Variants in WDFY1 observed in about 807,000 individuals in gnomAD.
WDFY1 encodes WD repeat and FYVE domain containing 1.
Under a neutral mutation model 56.4 loss-of-function variants are expected in WDFY1, and 32 were observed. The ratio of observed to expected loss-of-function variants is 0.57; its 90% CI spans 0.43 to 0.76. The LOEUF (loss-of-function observed/expected upper bound fraction) is 0.76, where lower values mean the gene tolerates loss of function less well. Ranked by LOEUF, WDFY1 falls within the 30% of genes least tolerant of loss-of-function variation. WDFY1 has a pLI of 0.00. For synonymous variants in WDFY1, 192 were observed against 197.3 expected (o/e 0.97, Z 0.23); for missense variants, 480 against 545.7 (o/e 0.88, Z 1.20).
intron 1 of WDFY1, among the ~76,000 whole-genome samples, chr2:223,944,913 C>T (rs986406063): frequency 2.6e-5 from 4 of 151,462 alleles, no homozygotes; most frequent in Admixed American, 2.0e-4. Flanking sequence ...ACAGGGGATC[C>T]GGGCTGGAGG....
At chr2:223,884,603 G>A in intron 9 of WDFY1, 45 bp downstream of exon 9, 1 of 1,579,338 alleles carries the variant, frequency 6.3e-7, no homozygotes, top group Non-Finnish European at 8.7e-7. Flanking sequence ...TGCAAATAGT[G>A]AAATACACAA....
In WDFY1 at chr2:223,924,555, G is replaced by C. The variant is rs199688608; in HGVS notation, c.138-6545C>G. Among the ~76,000 whole-genome samples the C allele has an allele frequency of 3.3e-5, 5 of 152,164 alleles. No homozygotes were observed. In the East Asian group the frequency reaches 9.7e-4, roughly 29 times the overall value. ...ATTTTTGTATTTTTAGTACAGACAG[G>C]GTTTCACCATGTTGGCCAGGCTGGT... On this transcript the variant is annotated intron_variant, in intron 1 of 11. Transcript: ENST00000233055.
At chr2:223,942,577 G>A (rs1239952432) in intron 1 of WDFY1, among the ~76,000 whole-genome samples, 6 of 100,040 alleles carry the variant, frequency 6.0e-5, no homozygotes, top group Admixed American at 2.4e-4. Context: ...CGCCCAGGCC[G>A]GACTGCGGAC....
chr2:223,915,265 C>T (rs1453691517), intron 2 of WDFY1, among the ~76,000 whole-genome samples: 1 of 152,202 alleles, frequency 6.6e-6, no homozygotes, highest in Non-Finnish European at 1.5e-5. Context: ...CCACCCACTG[C>T]GAAGCTGTGT....
intron 2 of WDFY1, among the ~76,000 whole-genome samples, chr2:223,912,791 T>A (rs1378957593): frequency 6.6e-6 from 1 of 152,200 alleles, no homozygotes; most frequent in Non-Finnish European, 1.5e-5. Context: ...ATATATGGCA[T>A]ATGTGAGTTG....
chr2:223,907,731 C>G (rs146990470), intron 3 of WDFY1, among the ~76,000 whole-genome samples: 1 of 152,252 alleles, frequency 6.6e-6, no homozygotes, highest in East Asian at 1.9e-4. Flanking sequence ...GCATTCACTA[C>G]TGTGTCATGC....
intron 1 of WDFY1, among the ~76,000 whole-genome samples, chr2:223,924,762 G>A (rs1693950296): frequency 6.6e-6 from 1 of 152,114 alleles, no homozygotes; most frequent in Admixed American, 6.5e-5. Flanking sequence ...TATGCTAAAT[G>A]TTTCAGATTA....
At chr2:223,901,032 C>G in intron 5 of WDFY1, 151 bp downstream of exon 5, 1 of 904,274 alleles carries the variant, frequency 1.1e-6, no homozygotes, top group Non-Finnish European at 1.5e-6. Flanking sequence ...CAATTACTTT[C>G]CATGGTAAAA....
chr2:223,902,434 A>C (rs945709231), intron 4 of WDFY1, among the ~76,000 whole-genome samples: 2 of 152,180 alleles, frequency 1.3e-5, no homozygotes, highest in Non-Finnish European at 2.9e-5. Context: ...GCATGGTGGC[A>C]CTTGCCTGGA....
chr2:223,889,835 G>C (rs1478821458), intron 8 of WDFY1, among the ~76,000 whole-genome samples: 4 of 152,212 alleles, frequency 2.6e-5, no homozygotes, highest in African/African-American at 9.6e-5. Context: ...CATACAATAA[G>C]TGACATCTAA....
At chr2:223,880,388 C>T (rs1412722723) in intron 10 of WDFY1, among the ~76,000 whole-genome samples, 156 bp from the exon 11 acceptor site, 4 of 152,014 alleles carry the variant, frequency 2.6e-5, no homozygotes, top group African/African-American at 9.7e-5. Flanking sequence ...GGGTGGATCA[C>T]TTGAGGTCAG....
At chr2:223,897,351 CATATATATATATATAT>C (rs1194128689) in intron 6 of WDFY1, among the ~76,000 whole-genome samples, 14 of 53,670 alleles carry the variant, frequency 2.6e-4, no homozygotes, top group South Asian at 9.5e-4. Context: ...CTAAATTTCG[CATATATATATATATAT>C]ATATATATAT....
intron 3 of WDFY1, among the ~76,000 whole-genome samples, chr2:223,909,915 C>T (rs549643478): frequency 3.9e-5 from 6 of 152,334 alleles, no homozygotes; most frequent in Non-Finnish European, 7.4e-5. Flanking sequence ...TCATGCTATT[C>T]ATCTGCTGAA....
At chr2:223,916,971 T>G (rs1442141503) in intron 2 of WDFY1, among the ~76,000 whole-genome samples, 1 of 151,972 alleles carries the variant, frequency 6.6e-6, no homozygotes, top group African/African-American at 2.4e-5. Context: ...TGTGCCACCA[T>G]GCCCGGCTAA....
chr2:223,943,409 G>A (rs1689348137), intron 1 of WDFY1, among the ~76,000 whole-genome samples: 1 of 152,100 alleles, frequency 6.6e-6, no homozygotes, highest in Non-Finnish European at 1.5e-5. Flanking sequence ...GAGGAAAAAG[G>A]CACAAGCTCA....
intron 4 of WDFY1, among the ~76,000 whole-genome samples, chr2:223,903,779 T>C (rs1412575311): frequency 6.6e-6 from 1 of 151,816 alleles, no homozygotes. Flanking sequence ...GCCTCCCAAG[T>C]AGTTGGGACT....
At chr2:223,888,088 AC>A (rs916169328) in intron 8 of WDFY1, among the ~76,000 whole-genome samples, 5 of 39,198 alleles carry the variant, frequency 1.3e-4, no homozygotes, top group Non-Finnish European at 6.6e-4. Context: ...TTAAATTTAC[AC>A]TTTTTTTTTT....
At chr2:223,907,118 G>T (rs1052662968) in intron 3 of WDFY1, among the ~76,000 whole-genome samples, 1 of 151,762 alleles carries the variant, frequency 6.6e-6, no homozygotes, top group African/African-American at 2.4e-5. Flanking sequence ...GGGACTAAAG[G>T]TGCATGCCAC....
chr2:223,923,449 T>C (rs923350047), intron 1 of WDFY1, among the ~76,000 whole-genome samples: 2 of 152,226 alleles, frequency 1.3e-5, no homozygotes, highest in African/African-American at 4.8e-5. Context: ...AATAATAGTT[T>C]AGTAATATTT....
Sources: gnomAD v4.1 joint callset for allele counts (sites outside exome capture counted in the v4.1 genomes callset) on GRCh38, gnomAD v4.1.1 for gene constraint, MANE v1.5 for transcripts, NCBI Gene and HGNC (gene_info 2026-07-23, HGNC 2026-07-21) for gene names.